Variants in LUZP1 observed in about 807,000 individuals in gnomAD.
LUZP1 encodes leucine zipper protein 1, also known as filamin mechanobinding actin cross-linking protein.
A neutral mutation model predicts 71.3 loss-of-function variants in LUZP1; 25 were observed. The observed-to-expected ratio is 0.35, with a 90% CI of 0.26 to 0.49. The LOEUF (loss-of-function observed/expected upper bound fraction) is 0.49. LUZP1 is among the 20% of genes least tolerant of loss of function. The pLI is 0.99. For missense variants in LUZP1, 1,142 were observed against 1,300.8 expected, an observed-to-expected ratio of 0.88 and a Z score of 1.88; for synonymous variants, 481 against 506.4, an observed-to-expected ratio of 0.95 and a Z score of 0.67.
chr1:23,107,436 C>T lies in LUZP1; in HGVS notation c.-120+1586G>A, dbSNP rs150656090. Among the ~76,000 whole-genome samples, 234 of 152,250 alleles carry T rather than the reference C, an allele frequency of 1.5e-3. 6 individuals carry two copies. Among genetic ancestry groups the T allele is most frequent in the East Asian group, 0.015 (79 of 5,188 alleles). The stretch of plus-strand genomic sequence containing the variant: ...GTATACTTAGTTCCGATAACTAAAG[C>T]GTGTAGTAAGTGGCCATTTTTTGTC... On this transcript the variant is annotated intron_variant, in intron 3 of 4. Transcript: ENST00000302291.
In LUZP1 at chr1:23,137,919, A is replaced by G. The variant is rs1235472101; in HGVS notation, c.-225-28792T>C. On this transcript the variant is annotated intron_variant, in intron 2 of 4. Transcript: ENST00000302291. ...TTGTAGAAGTATTCATGACAGCCAA[A>G]AATTGAAAAATGTCCATCAACTAAT... is the stretch of plus-strand genomic sequence containing the variant. Among the ~76,000 whole-genome samples, 3 of 152,348 alleles carry G rather than the reference A, an allele frequency of 2.0e-5. No homozygotes were observed. In the East Asian group the frequency reaches 5.8e-4, roughly 29 times the overall value.
intron 2 of LUZP1, among the ~76,000 whole-genome samples, chr1:23,145,042 CAT>C (rs1340427252): frequency 2.6e-5 from 4 of 151,944 alleles, no homozygotes; most frequent in Non-Finnish European, 4.4e-5. Flanking sequence ...ACCACAGGCA[CAT>C]GTCACCACGC....
chr1:23,149,522 G>A lies in LUZP1; in HGVS notation c.-226+19244C>T, dbSNP rs564103035. The stretch of plus-strand genomic sequence containing the variant: ...AACTTAAATATTGCAGCGATATTAA[G>A]GAAAACAAGGCTAGGAAAATGTCTG... On this transcript the variant is annotated intron_variant, in intron 2 of 4. Coordinates refer to ENST00000302291, the Ensembl canonical transcript of LUZP1. 7.2e-5 allele frequency among the ~76,000 whole-genome samples: 11 copies of A among 152,200 alleles called. No homozygotes were observed. In the East Asian group the frequency reaches 1.2e-3, roughly 16 times the overall value.
chr1:23,126,975 G>A (rs930091011), intron 2 of LUZP1, among the ~76,000 whole-genome samples: 1 of 152,154 alleles, frequency 6.6e-6, no homozygotes, highest in African/African-American at 2.4e-5. Context: ...TGTAATGTTG[G>A]CAAATACCAG....
At chr1:23,096,805 T>C (rs1643894583) in intron 3 of LUZP1, among the ~76,000 whole-genome samples, 1 of 152,068 alleles carries the variant, frequency 6.6e-6, no homozygotes, top group African/African-American at 2.4e-5. Context: ...AGACCCCATC[T>C]CTACTAAAAA....
intron 2 of LUZP1, among the ~76,000 whole-genome samples, chr1:23,148,568 TGC>T (rs1367963205): frequency 2.0e-5 from 3 of 152,198 alleles, no homozygotes; most frequent in Admixed American, 2.0e-4. Flanking sequence ...ACTGTCACAG[TGC>T]AATGTTATAG....
chr1:23,091,367 C>T, exon 4 of LUZP1: 1 of 1,614,136 alleles, frequency 6.2e-7, no homozygotes, highest in African/African-American at 1.3e-5. Flanking sequence ...AGGACCTGGG[C>T]TGTTCGAGTT....
At chr1:23,167,889 T>TGCC (rs1211083026) in intron 2 of LUZP1, among the ~76,000 whole-genome samples, 1 of 151,764 alleles carries the variant, frequency 6.6e-6, no homozygotes, top group Non-Finnish European at 1.5e-5. Flanking sequence ...CCCGGGCGGC[T>TGCC]GGGCGGGGGC....
rs181503175 is a variant in LUZP1, at chr1:23,089,529, A to C, written c.3073-476T>G. Among the ~76,000 whole-genome samples, 447 of 151,560 alleles carry C rather than the reference A, an allele frequency of 2.9e-3. 2 individuals carry two copies. The highest frequency in any genetic ancestry group is 0.01 in the African/African-American group (426 of 41,380). ...CTCACATTCCCGTCTCTCATCCTTT[A>C]TCTCTCCTCTTAAATGTCCAAAGCT... On this transcript the variant is annotated intron_variant, in intron 4 of 4. Transcript: ENST00000302291.
intron 2 of LUZP1, among the ~76,000 whole-genome samples, chr1:23,167,898 G>T (rs890344522): frequency 6.6e-6 from 1 of 151,982 alleles, no homozygotes; most frequent in African/African-American, 2.4e-5. Context: ...CTGGGCGGGG[G>T]CCGGGGGTGC....
exon 5 of LUZP1, chr1:23,087,032 G>A (rs897041811): frequency 1.6e-4 from 24 of 152,314 alleles, no homozygotes; most frequent in African/African-American, 5.8e-4. Flanking sequence ...AGGAAGTCTT[G>A]AGTCTTCCTC....
chr1:23,089,048 T>C (rs778471269), exon 5 of LUZP1: 1 of 1,613,800 alleles, frequency 6.2e-7, no homozygotes, highest in South Asian at 1.1e-5. Flanking sequence ...CTTCCCCTTC[T>C]TCCTCCTGTG....
At chr1:23,168,476 C>G (rs1173701059) in intron 2 of LUZP1, among the ~76,000 whole-genome samples, 1 of 150,778 alleles carries the variant, frequency 6.6e-6, no homozygotes, top group Non-Finnish European at 1.5e-5. Flanking sequence ...AAGAAGTCTC[C>G]TCAGAACCTT....
At chr1:23,084,276 T>G (rs1334060083) in exon 5 of LUZP1, 2 of 152,296 alleles carry the variant, frequency 1.3e-5, no homozygotes, top group East Asian at 3.9e-4. Flanking sequence ...TTACAGAGGC[T>G]CTCAGAGCAG....
chr1:23,104,671 G>A (rs1160031642), intron 3 of LUZP1, among the ~76,000 whole-genome samples: 2 of 152,082 alleles, frequency 1.3e-5, no homozygotes, highest in Non-Finnish European at 2.9e-5. Flanking sequence ...TTTCAGTCCT[G>A]GGCACTGAAT....
chr1:23,135,512 T>A (rs1644246364), intron 2 of LUZP1, among the ~76,000 whole-genome samples: 1 of 152,156 alleles, frequency 6.6e-6, no homozygotes, highest in African/African-American at 2.4e-5. Context: ...TATTGAAGAT[T>A]CAGAAAAACC....
chr1:23,092,019 T>C, exon 4 of LUZP1: 1 of 1,614,158 alleles, frequency 6.2e-7, no homozygotes, highest in Non-Finnish European at 8.5e-7. Flanking sequence ...CCGCAACGCC[T>C]CTCTGGGGCT....
chr1:23,157,770 CAT>C (rs1037135818), intron 2 of LUZP1, among the ~76,000 whole-genome samples: 7 of 150,380 alleles, frequency 4.7e-5, no homozygotes, highest in African/African-American at 1.5e-4. Flanking sequence ...CAGCATGAGC[CAT>C]AGAGGGAGAC....
At chr1:23,091,643 CACT>C in exon 4 of LUZP1, 1 of 1,614,070 alleles carries the variant, frequency 6.2e-7, no homozygotes, top group Non-Finnish European at 8.5e-7. Context: ...TCCGAGAGAC[CACT>C]GTTTCTGGCC....
Sources: gnomAD v4.1 joint callset for allele counts (sites outside exome capture counted in the v4.1 genomes callset) on GRCh38, gnomAD v4.1.1 for gene constraint, MANE v1.5 for transcripts, NCBI Gene and HGNC (gene_info 2026-07-23, HGNC 2026-07-21) for gene names.